SGMS2: variants seen among roughly 807,000 people sequenced by gnomAD.
The protein encoded by SGMS2 is sphingomyelin synthase 2, also known as phosphatidylcholine:ceramide cholinephosphotransferase 2.
SGMS2 carries 21 observed loss-of-function variants against 43.8 expected under a neutral mutation model. The ratio of observed to expected loss-of-function variants is 0.48; its 90% confidence interval spans 0.34 to 0.69. SGMS2 has a LOEUF of 0.69. Ranked by LOEUF, SGMS2 falls within the 30% of genes least tolerant of loss-of-function variation. SGMS2 has a pLI of 0.01. For missense variants in SGMS2, 384 were observed against 443.2 expected (o/e 0.87, Z 1.20); for synonymous variants, 167 against 160.6 (o/e 1.04, Z -0.30).
chr4:107,829,229 T>C (rs1170967214), intron 1 of SGMS2, among the ~76,000 whole-genome samples: 1 of 152,184 alleles, frequency 6.6e-6, no homozygotes, highest in African/African-American at 2.4e-5. Context: ...GTGCGAGAAA[T>C]TTCTATTAGT....
chr4:107,848,587 T>A, intron 1 of SGMS2, among the ~76,000 whole-genome samples: 1 of 152,172 alleles, frequency 6.6e-6, no homozygotes, highest in East Asian at 1.9e-4. Flanking sequence ...TTTGGTGGTG[T>A]TAGTATGGAT....
At chr4:107,830,726 G>C (rs749200118) in intron 1 of SGMS2, among the ~76,000 whole-genome samples, 2 of 151,800 alleles carry the variant, frequency 1.3e-5, no homozygotes, top group Non-Finnish European at 2.9e-5. Context: ...TGGGGTTGTT[G>C]GTTTTTTTTG....
chr4:107,836,625 G>T (rs549068198), intron 1 of SGMS2, among the ~76,000 whole-genome samples: 1 of 152,064 alleles, frequency 6.6e-6, no homozygotes, highest in Non-Finnish European at 1.5e-5. Flanking sequence ...TCACCTCATC[G>T]TCTACCTCTT....
At chr4:107,886,203 T>G (rs1729735649) in intron 2 of SGMS2, among the ~76,000 whole-genome samples, 1 of 150,480 alleles carries the variant, frequency 6.6e-6, no homozygotes, top group Non-Finnish European at 1.5e-5. Flanking sequence ...TTGTTGTTGT[T>G]TTTTTTTTTT....
In SGMS2 at chr4:107,910,420, A is replaced by G; in HGVS notation, c.965A>G (p.Glu322Gly). 6.2e-7 allele frequency: 1 copy of G among 1,614,032 alleles called. No individual in the cohort carries two copies. The highest frequency in any genetic ancestry group is 8.5e-7 in the Non-Finnish European group (1 of 1,179,988). ...AWWFPIFYFFEKNVQGSIPCC... is the reference protein window; with the variant it reads ...AWWFPIFYFFGKNVQGSIPCC... ...TGGTTCCCCATCTTTTATTTTTTTG[A>G]GAAAAATGTACAAGGCTCAATTCCT... is the stretch of plus-strand genomic sequence containing the variant. Residue 322 changes from glutamate to glycine, a missense_variant, in exon 7 of 7, where the codon GAG becomes GGG. Coordinates refer to ENST00000690982, the MANE Select transcript of SGMS2 (RefSeq NM_001375905.1).
At chr4:107,844,060 C>T (rs1249343959) in intron 1 of SGMS2, among the ~76,000 whole-genome samples, 7 of 152,228 alleles carry the variant, frequency 4.6e-5, no homozygotes, top group Admixed American at 2.0e-4. Context: ...CGGTGGCTCA[C>T]GCCTATAATC....
chr4:107,848,781 T>A (rs1726974870), intron 1 of SGMS2, among the ~76,000 whole-genome samples: 1 of 152,202 alleles, frequency 6.6e-6, no homozygotes, highest in Non-Finnish European at 1.5e-5. Context: ...TTTTAGGAGC[T>A]CTATTTATAT....
chr4:107,855,779 T>A (rs1727389621), intron 1 of SGMS2, among the ~76,000 whole-genome samples: 1 of 152,140 alleles, frequency 6.6e-6, no homozygotes, highest in Non-Finnish European at 1.5e-5. Context: ...TTGCCAAAAG[T>A]GGGGTGTTGA....
chr4:107,836,374 A>G (rs1460698835), intron 1 of SGMS2, among the ~76,000 whole-genome samples: 1 of 152,266 alleles, frequency 6.6e-6, no homozygotes, highest in East Asian at 1.9e-4. Context: ...TGAGTGTCAC[A>G]GCACACTGGT....
intron 2 of SGMS2, among the ~76,000 whole-genome samples, chr4:107,858,984 A>G (rs28567394): frequency 0.053 from 8,071 of 152,248 alleles, 739 homozygotes; most frequent in African/African-American, 0.18. Context: ...AATTACTAGC[A>G]AAGTTATTCT....
chr4:107,844,749 T>TA, intron 1 of SGMS2, among the ~76,000 whole-genome samples: 1 of 152,226 alleles, frequency 6.6e-6, no homozygotes, highest in East Asian at 1.9e-4. Flanking sequence ...TTTTAGATTC[T>TA]AAAATGAACC....
At chr4:107,892,050 A>G (rs1413073655) in intron 2 of SGMS2, among the ~76,000 whole-genome samples, 1 of 151,790 alleles carries the variant, frequency 6.6e-6, no homozygotes, top group Non-Finnish European at 1.5e-5. Context: ...AGCCTTGCCA[A>G]GAACTCTTAC....
In SGMS2 at chr4:107,838,631, C is replaced by T. The variant is rs558320659; in HGVS notation, c.-327+13378C>T. On this transcript the variant is annotated intron_variant, in intron 1 of 6. Coordinates refer to ENST00000690982, the MANE Select transcript of SGMS2 (RefSeq NM_001375905.1). ...AAAGTTCGCAGGCCCTTCTTTGTCA[C>T]TCCACTACTATATTATAATCTGGTT... Among the ~76,000 whole-genome samples, 6 of 152,238 alleles carry T rather than the reference C, an allele frequency of 3.9e-5. No individual in the cohort carries two copies. The East Asian group carries it at 1.2e-3, about 29-fold the overall frequency.
chr4:107,825,770 A>G (rs946195268), intron 1 of SGMS2, among the ~76,000 whole-genome samples: 3 of 151,858 alleles, frequency 2.0e-5, no homozygotes, highest in African/African-American at 7.3e-5. Context: ...TTCTCAGCGA[A>G]AATAAGGGGC....
chr4:107,862,876 C>T (rs1308748084), intron 2 of SGMS2, among the ~76,000 whole-genome samples: 1 of 152,190 alleles, frequency 6.6e-6, no homozygotes, highest in East Asian at 1.9e-4. Flanking sequence ...AATGAAATGT[C>T]TAACCATGAT....
In SGMS2 at chr4:107,825,620, C is replaced by CTTTT. The variant is rs201101875; in HGVS notation, c.-327+385_-327+388dup. On this transcript the variant is annotated intron_variant, in intron 1 of 6. Coordinates refer to ENST00000690982, the MANE Select transcript of SGMS2 (RefSeq NM_001375905.1). ...TGTGTGTGGTTTTTCTTTTCTTTCT[C>CTTTT]TTTTTTTTTTTTTTTTTTTTTGAGA... Among the ~76,000 whole-genome samples the CTTTT allele has an allele frequency of 2.9e-4, 34 of 116,266 alleles. 1 individual carries two copies. Among genetic ancestry groups the CTTTT allele is most frequent in the African/African-American group, 9.6e-4 (26 of 27,096 alleles). 76.3% of individuals were successfully genotyped at this position (116,266 alleles called of 152,430 possible). A position where few individuals can be genotyped will look rare whatever the true frequency, so the allele number is the denominator to read the frequency against.
chr4:107,837,950 A>G (rs973966477), intron 1 of SGMS2, among the ~76,000 whole-genome samples: 1 of 152,170 alleles, frequency 6.6e-6, no homozygotes, highest in African/African-American at 2.4e-5. Context: ...CCCATTAGTC[A>G]TCCTAATGGT....
intron 2 of SGMS2, among the ~76,000 whole-genome samples, chr4:107,877,913 C>CTTTTTTTTTTTTTTTTTTTTTTTT (rs774442653): frequency 2.0e-5 from 2 of 102,178 alleles, no homozygotes; most frequent in African/African-American, 7.8e-5. Flanking sequence ...TTTTTCTTTT[C>CTTTTTTTTTTTTTTTTTTTTTTTT]TTTTTTTTTT....
intron 5 of SGMS2, among the ~76,000 whole-genome samples, chr4:107,907,635 A>G (rs893918665): frequency 2.6e-5 from 4 of 152,198 alleles, no homozygotes; most frequent in African/African-American, 9.6e-5. Flanking sequence ...ATAAATATAA[A>G]GTTCTGGAAA....
Sources: gnomAD v4.1 joint callset for allele counts (sites outside exome capture counted in the v4.1 genomes callset) on GRCh38, gnomAD v4.1.1 for gene constraint, MANE v1.5 for transcripts, NCBI Gene and HGNC (gene_info 2026-07-23, HGNC 2026-07-21) for gene names.